Variants in TUSC3 observed in about 807,000 individuals in gnomAD.
TUSC3 encodes tumor suppressor candidate 3.
Under a neutral mutation model 44.8 loss-of-function variants are expected in TUSC3, and 45 were observed. That is an observed-to-expected ratio of 1.00 (90% CI 0.79 to 1.29). TUSC3 has a LOEUF of 1.29. Among genes scored for constraint, TUSC3 ranks in the 50% most tolerant of loss-of-function variants. The pLI is 0.00. For missense variants in TUSC3, 519 were observed against 437.9 expected (o/e 1.19, Z -1.65); for synonymous variants, 212 against 152.9 (o/e 1.39, Z -2.85).
At chr8:15,846,659 A>T in the TUSC3 span, among the ~76,000 whole-genome samples, 1 of 152,074 alleles carries the variant, frequency 6.6e-6, no homozygotes, top group African/African-American at 2.4e-5. Context: ...GGAATTGAGG[A>T]GTTGAACAAT....
the TUSC3 span, among the ~76,000 whole-genome samples, chr8:15,830,366 T>C: frequency 2.0e-5 from 3 of 152,176 alleles, no homozygotes; most frequent in Admixed American, 1.3e-4. Context: ...CATCAGCCAA[T>C]GTCCAGAAGA....
chr8:15,467,166 C>T (rs1022619683), intron 1 of TUSC3, among the ~76,000 whole-genome samples: 6 of 151,288 alleles, frequency 4.0e-5, no homozygotes, highest in East Asian at 2.0e-4. Context: ...AAAGACAACA[C>T]TGTTAGGGTG....
At chr8:15,685,271 G>C (rs562111104) in intron 6 of TUSC3, among the ~76,000 whole-genome samples, 2 of 152,114 alleles carry the variant, frequency 1.3e-5, no homozygotes, top group Admixed American at 1.3e-4. Flanking sequence ...TTCACTCACC[G>C]CTTCCTCAGG....
intron 1 of TUSC3, among the ~76,000 whole-genome samples, chr8:15,612,175 C>T (rs1157388581): frequency 6.6e-6 from 1 of 152,008 alleles, no homozygotes; most frequent in Non-Finnish European, 1.5e-5. Context: ...TTGATGAGTA[C>T]CTGCTATTCA....
intron 10 of TUSC3, among the ~76,000 whole-genome samples, chr8:15,763,745 C>CTCTT (rs1209218872): frequency 6.6e-6 from 1 of 151,956 alleles, no homozygotes; most frequent in Non-Finnish European, 1.5e-5. Flanking sequence ...TTTGTGTATA[C>CTCTT]TCTTTTTGGT....
intron 1 of TUSC3, among the ~76,000 whole-genome samples, chr8:15,423,969 GTTTTTTT>G (rs112397215): frequency 0.12 from 8,155 of 70,390 alleles, 1,333 homozygotes; most frequent in African/African-American, 0.24. Flanking sequence ...GTTTTGCTTT[GTTTTTTT>G]TTTTTTTTTT....
At chr8:15,460,534 T>C (rs1357637726) in intron 1 of TUSC3, among the ~76,000 whole-genome samples, 1 of 152,198 alleles carries the variant, frequency 6.6e-6, no homozygotes, top group African/African-American at 2.4e-5. Context: ...ACTCTTTAAT[T>C]ATGTCCCAGC....
At chr8:15,818,455 A>C in the TUSC3 span, among the ~76,000 whole-genome samples, 1 of 152,136 alleles carries the variant, frequency 6.6e-6, no homozygotes. Flanking sequence ...GAATGGGCAA[A>C]ATTGAGTGTT....
intron 6 of TUSC3, among the ~76,000 whole-genome samples, chr8:15,719,197 A>G (rs1018791712): frequency 6.6e-6 from 1 of 151,986 alleles, no homozygotes; most frequent in Non-Finnish European, 1.5e-5. Context: ...AATAACATCT[A>G]AGTCTTCACC....
chr8:15,538,174 A>C (rs758087940), upstream of TUSC3, among the ~76,000 whole-genome samples: 1 of 152,212 alleles, frequency 6.6e-6, no homozygotes, highest in Non-Finnish European at 1.5e-5. Flanking sequence ...TTATTACACC[A>C]TGACCAAATA....
chr8:15,664,373 A>T (rs1233076917), intron 5 of TUSC3, among the ~76,000 whole-genome samples: 1 of 151,314 alleles, frequency 6.6e-6, no homozygotes, highest in Non-Finnish European at 1.5e-5. Flanking sequence ...ACTTTATATG[A>T]TGTATAGATG....
chr8:15,488,319 C>G (rs372924185), intron 2 of TUSC3, among the ~76,000 whole-genome samples: 1 of 151,298 alleles, frequency 6.6e-6, no homozygotes, highest in East Asian at 1.9e-4. Flanking sequence ...CAACATAGAC[C>G]CCATCTCTAC....
intron 7 of TUSC3, chr8:15,733,625 TAA>T (rs1464986365): frequency 3.7e-5 from 6 of 163,076 alleles, no homozygotes; most frequent in Middle Eastern, 2.0e-3. Context: ...ATAAAAGAAT[TAA>T]AAGTCTGTAT....
intron 1 of TUSC3, among the ~76,000 whole-genome samples, chr8:15,616,633 A>T (rs973913684): frequency 1.3e-5 from 2 of 152,218 alleles, no homozygotes; most frequent in African/African-American, 4.8e-5. Context: ...TGTTAAAACT[A>T]TCAAGCTCAA....
chr8:15,478,409 T>C (rs1250061508), intron 1 of TUSC3, among the ~76,000 whole-genome samples: 1 of 152,178 alleles, frequency 6.6e-6, no homozygotes, highest in African/African-American at 2.4e-5. Context: ...ATTAGCTATT[T>C]ATCCTGGTGC....
At chr8:15,746,739 A>AAAT (rs1811433401) in intron 8 of TUSC3, among the ~76,000 whole-genome samples, 1 of 152,112 alleles carries the variant, frequency 6.6e-6, no homozygotes, top group African/African-American at 2.4e-5. Context: ...TTCTTCTGAA[A>AAAT]AATAAAAAAG....
intron 1 of TUSC3, among the ~76,000 whole-genome samples, chr8:15,473,382 T>G (rs748607926): frequency 2.6e-5 from 4 of 152,248 alleles, no homozygotes; most frequent in African/African-American, 9.6e-5. Context: ...GTAGAATACA[T>G]GTCACTTTCC....
chr8:15,663,088 G>C (rs1318859256), intron 5 of TUSC3, among the ~76,000 whole-genome samples: 3 of 151,548 alleles, frequency 2.0e-5, no homozygotes, highest in African/African-American at 7.3e-5. Context: ...AAACTCATTA[G>C]GATTTTATAC....
the TUSC3 span, among the ~76,000 whole-genome samples, chr8:15,826,527 T>C: frequency 1.3e-5 from 2 of 152,350 alleles, no homozygotes; most frequent in African/African-American, 2.4e-5. Context: ...AGCTGTGTTT[T>C]GCTGCACTCA....
Sources: allele counts gnomAD v4.1 joint callset (sites outside exome capture counted in the v4.1 genomes callset), GRCh38; gene constraint gnomAD v4.1.1; transcripts MANE v1.5; gene names NCBI Gene and HGNC (gene_info 2026-07-23, HGNC 2026-07-21).